Variants in TFAP2E observed in about 807,000 individuals in gnomAD.
TFAP2E encodes the protein transcription factor AP-2 epsilon.
In TFAP2E, 30 loss-of-function variants were observed where a neutral mutation model predicts 37.9. That is an observed-to-expected ratio of 0.79 (90% CI 0.59 to 1.07). The LOEUF (loss-of-function observed/expected upper bound fraction) is 1.07. TFAP2E is among the 50% of genes least tolerant of loss of function. The pLI is 0.00. For synonymous variants in TFAP2E, 318 were observed against 295.8 expected (o/e 1.08, Z -0.77); for missense variants, 567 against 637.9 (o/e 0.89, Z 1.20).
chr1:35,581,744 G>GT (rs1649357461), intron 3 of TFAP2E, among the ~76,000 whole-genome samples: 1 of 150,968 alleles, frequency 6.6e-6, no homozygotes, highest in African/African-American at 2.4e-5. Flanking sequence ...GGCTAATTTT[G>GT]TTTTTTTAGT....
intron 4 of TFAP2E, among the ~76,000 whole-genome samples, chr1:35,589,186 CTCTGTGTGTGTGTGTG>C (rs1487269326): frequency 5.8e-4 from 78 of 133,628 alleles, no homozygotes; most frequent in African/African-American, 2.2e-3. Flanking sequence ...GTGTGTCCTG[CTCTGTGTGTGTGTGTG>C]TGTGTGTGTG....
chr1:35,588,338 C>T lies in TFAP2E; in HGVS notation c.571C>T (p.Pro191Ser). Residue 191 changes from proline (P) to serine (S), a missense_variant, in exon 4 of 7, where the codon CCC (proline) becomes TCC (serine). Physicochemically the swap from Pro to Ser is moderately conservative, Grantham distance 74. Around this residue, in one of 3 missense-constraint regions of TFAP2E, gnomAD observed 312 missense variants for 317.4 expected, o/e 0.98. Coordinates refer to ENST00000373235, the MANE Select transcript of TFAP2E (RefSeq NM_178548.4). The surrounding 1 kb of genome is among the most constrained non-coding windows in gnomAD (Gnocchi z 5.1). ...DQSVIKKVPI[P>S]SKASSLSALS... ...TTCCCTCTTCTCCACAGTGCCCATCCCCTCCAAAGCCAGCAGCCTCTCAGC... is the reference window on the plus strand; with the variant it reads ...TTCCCTCTTCTCCACAGTGCCCATCTCCTCCAAAGCCAGCAGCCTCTCAGC... 6.2e-7 allele frequency: 1 copy of T among 1,612,022 alleles called. No individual in the cohort carries two copies. Among genetic ancestry groups the T allele is most frequent in the Non-Finnish European group, 8.5e-7 (1 of 1,178,988 alleles).
intron 3 of TFAP2E, among the ~76,000 whole-genome samples, chr1:35,585,080 G>A (rs1165339197): frequency 2.0e-5 from 3 of 152,114 alleles, no homozygotes; most frequent in African/African-American, 7.2e-5. Context: ...CTGGGGGGCA[G>A]GGGAGAGAAG....
At chr1:35,574,833 A>G in intron 2 of TFAP2E, 116 bp from the exon 3 acceptor site, 2 of 1,429,576 alleles carry the variant, frequency 1.4e-6, no homozygotes, top group South Asian at 1.2e-5. Flanking sequence ...CGCCGCCCCA[A>G]GCGAAGCTGG....
intron 3 of TFAP2E, among the ~76,000 whole-genome samples, chr1:35,580,157 C>T (rs1242060648): frequency 6.6e-6 from 1 of 152,018 alleles, no homozygotes; most frequent in African/African-American, 2.4e-5. Context: ...TTGCAGTGAG[C>T]CAAGATTGTG....
chr1:35,575,065 T>C, intron 3 of TFAP2E, 65 bp downstream of exon 3: 1 of 1,599,120 alleles, frequency 6.3e-7, no homozygotes, highest in East Asian at 2.2e-5. Flanking sequence ...CACAGATCCA[T>C]TTTCTTCACC....
rs1255047638 is a variant in TFAP2E, at chr1:35,574,229, C to A, written c.330C>A (p.His110Gln). The change falls in exon 2 of 7, where the codon CAC (histidine) becomes CAA (glutamine). Residue 110 changes from histidine to glutamine, a missense_variant. Coordinates refer to ENST00000373235, the MANE Select transcript of TFAP2E (RefSeq NM_178548.4). Reference sequence around the variant, plus strand: ...CGCCCCGCGCAGCCGCCCGCGCCCACGAGGAGCCTCCCGGCCTGCTGGCAC... The same window carrying A: ...CGCCCCGCGCAGCCGCCCGCGCCCAAGAGGAGCCTCCCGGCCTGCTGGCAC... Reference protein sequence around the residue: ...WAAPRAAARAHEEPPGLLAPP... With the variant: ...WAAPRAAARAQEEPPGLLAPP... 6 of 1,250,588 alleles carry A rather than the reference C, an allele frequency of 4.8e-6. No individual in the cohort carries two copies. Among genetic ancestry groups the A allele is most frequent in the Middle Eastern group, 3.2e-4 (1 of 3,094 alleles). 77.5% of individuals were successfully genotyped at this position (1,250,588 alleles called of 1,614,324 possible). A position where few individuals can be genotyped will look rare whatever the true frequency, so the allele number is the denominator to read the frequency against.
intron 3 of TFAP2E, among the ~76,000 whole-genome samples, chr1:35,585,283 G>T (rs1180410586): frequency 6.6e-6 from 1 of 152,196 alleles, no homozygotes; most frequent in South Asian, 2.1e-4. Flanking sequence ...AAACTCCAGA[G>T]ATTTCACAGA....
chr1:35,578,428 G>GA (rs58170344), intron 3 of TFAP2E, among the ~76,000 whole-genome samples: 8,876 of 132,084 alleles, frequency 0.067, 683 homozygotes, highest in African/African-American at 0.2. Flanking sequence ...CTCCGTCTCG[G>GA]AAAAAAAAAA....
At position 35,595,081 on chromosome 1, in the gene TFAP2E, T is replaced by C. The variant is rs989747532; in HGVS notation, c.*405T>C. On this transcript the variant is annotated 3_prime_UTR_variant, in exon 7 of 7. Transcript: ENST00000373235. ...AGGAAAATTGATAAATCAGAGGTGC[T>C]ACTGAGGAGTTGGTGCCCCTCATTC... 5 of 241,938 alleles carry C rather than the reference T, an allele frequency of 2.1e-5. No homozygotes were observed. The highest frequency in any genetic ancestry group is 2.4e-5 in the Non-Finnish European group (3 of 124,252). 15.0% of individuals were successfully genotyped at this position (241,938 alleles called of 1,614,324 possible). A position where few individuals can be genotyped will look rare whatever the true frequency, so the allele number is the denominator to read the frequency against.
chr1:35,587,000 C>G (rs1649500685), intron 3 of TFAP2E, among the ~76,000 whole-genome samples: 1 of 152,220 alleles, frequency 6.6e-6, no homozygotes, highest in South Asian at 2.1e-4. Context: ...CTTCACCTCT[C>G]TGGACATCAG....
intron 3 of TFAP2E, among the ~76,000 whole-genome samples, chr1:35,582,794 G>A (rs994616962): frequency 2.6e-5 from 4 of 151,510 alleles, no homozygotes; most frequent in Non-Finnish European, 4.4e-5. Context: ...CGAGTAACTG[G>A]GACTACATTC....
intron 3 of TFAP2E, among the ~76,000 whole-genome samples, chr1:35,584,228 G>C (rs1027400742): frequency 6.6e-6 from 1 of 152,194 alleles, no homozygotes; most frequent in Non-Finnish European, 1.5e-5. Flanking sequence ...CTTCCGAGCA[G>C]CTGGGACTAT....
At chr1:35,586,162 A>G (rs1014478235) in intron 3 of TFAP2E, among the ~76,000 whole-genome samples, 1 of 152,150 alleles carries the variant, frequency 6.6e-6, no homozygotes, top group African/African-American at 2.4e-5. Context: ...ACCCAGCAAG[A>G]GGGGCAGGCA....
chr1:35,586,297 C>A (rs1649477823), intron 3 of TFAP2E, among the ~76,000 whole-genome samples: 1 of 152,148 alleles, frequency 6.6e-6, no homozygotes, highest in African/African-American at 2.4e-5. Flanking sequence ...CCACTTTAAC[C>A]TCTTTGAACT....
chr1:35,574,317 CTGCACGGCCTGGCCGACGGCG>C lies in TFAP2E; in HGVS notation c.419_439del (p.Leu140_Ala147delinsPro). 6.9e-7 allele frequency: 1 copy of C among 1,455,588 alleles called. No individual in the cohort carries two copies. Among genetic ancestry groups the C allele is most frequent in the Admixed American group, 2.7e-5 (1 of 37,534 alleles). The allele number at this position is 1,455,588 out of a possible 1,614,324, so 90.2% of individuals were successfully genotyped here. On this transcript the variant is annotated inframe_deletion, in exon 2 of 7. Coordinates refer to ENST00000373235, the MANE Select transcript of TFAP2E (RefSeq NM_178548.4). The stretch of plus-strand genomic sequence containing the variant: ...CTATGCCACTGCCGTGCCCCGGCTC[CTGCACGGCCTGGCCGACGGCG>C]CGCACGGCCTGGCAGACGCACCTCT...
chr1:35,573,536 G>A lies in TFAP2E; in HGVS notation c.-42G>A, dbSNP rs549736977. 1 of 1,509,966 alleles carries A rather than the reference G, an allele frequency of 6.6e-7. No individual in the cohort carries two copies. The highest frequency in any genetic ancestry group is 2.8e-5 in the East Asian group (1 of 36,098). 93.5% of individuals were successfully genotyped at this position (1,509,966 alleles called of 1,614,324 possible). On this transcript the variant is annotated 5_prime_UTR_variant, in exon 1 of 7. Coordinates refer to ENST00000373235, the MANE Select transcript of TFAP2E (RefSeq NM_178548.4). This position sits in a 1 kb window ranked among gnomAD's most constrained non-coding sequence, Gnocchi z 5.9. ...CCGCAGCGCTCGCCGTCGGGCTAGG[G>A]CTCCGCCGCCGCCACGCCTCGCGCC... is the stretch of plus-strand genomic sequence containing the variant.
chr1:35,589,680 T>C (rs1009736701), intron 4 of TFAP2E, among the ~76,000 whole-genome samples: 1 of 151,994 alleles, frequency 6.6e-6, no homozygotes, highest in African/African-American at 2.4e-5. Flanking sequence ...CTGCCCCTGC[T>C]GTTGAGAGGA....
chr1:35,582,638 CTT>C (rs879739254), intron 3 of TFAP2E, among the ~76,000 whole-genome samples: 3 of 139,644 alleles, frequency 2.1e-5, no homozygotes, highest in African/African-American at 2.6e-5. Flanking sequence ...CAACTGCTCT[CTT>C]TTTTTTTTTT....
Sources: gnomAD v4.1 joint callset for allele counts (sites outside exome capture counted in the v4.1 genomes callset) on GRCh38, gnomAD v4.1.1 for gene constraint, gnomAD v4.1.1 regional missense constraint, Gnocchi (gnomAD v3.1) non-coding constraint, MANE v1.5 for transcripts, NCBI Gene and HGNC (gene_info 2026-07-23, HGNC 2026-07-21) for gene names.